The following COL4A2 variants were observed in gnomAD, a reference collection of about 807,000 sequenced individuals.
COL4A2 encodes the protein collagen alpha-2(IV) chain.
Under a neutral mutation model 200.2 loss-of-function variants are expected in COL4A2, and 99 were observed. The observed-to-expected ratio is 0.49, with a 90% CI of 0.42 to 0.58. COL4A2 has a LOEUF of 0.58. Ranked by LOEUF, COL4A2 falls within the 20% of genes least tolerant of loss-of-function variation. The probability of loss-of-function intolerance (pLI) is 0.00; values close to 1 mark genes in which losing one functional copy is unlikely to be tolerated. For missense variants in COL4A2, 1,950 were observed against 2,314.1 expected (o/e 0.84, Z 3.23); for synonymous variants, 897 against 900.6 (o/e 1.00, Z 0.07).
At chr13:110,506,991 ACT>A (rs2139558844) in intron 46 of COL4A2, among the ~76,000 whole-genome samples, 1 of 151,716 alleles carries the variant, frequency 6.6e-6, no homozygotes, top group South Asian at 2.1e-4. Context: ...TTCATGTAAG[ACT>A]CTCCCATACA....
At chr13:110,334,319 C>T (rs1033124888) in intron 3 of COL4A2, among the ~76,000 whole-genome samples, 4 of 152,128 alleles carry the variant, frequency 2.6e-5, no homozygotes, top group East Asian at 1.9e-4. Context: ...AGATGTGGCC[C>T]GCATCTAACC....
At chr13:110,411,085 C>G (rs1879814038) in intron 4 of COL4A2, among the ~76,000 whole-genome samples, 1 of 152,184 alleles carries the variant, frequency 6.6e-6, no homozygotes. Context: ...CTCCCACGTC[C>G]CATCTCAGCT....
intron 4 of COL4A2, among the ~76,000 whole-genome samples, chr13:110,387,872 C>T (rs1426002254): frequency 6.6e-6 from 1 of 152,216 alleles, no homozygotes; most frequent in Non-Finnish European, 1.5e-5. Context: ...CCTGGCTTGG[C>T]TGTGCCTGGG....
At position 110,429,893 on chromosome 13, in the gene COL4A2, A is replaced by C; in HGVS notation, c.486A>C (p.Gln162His). The C allele has an allele frequency of 6.2e-7, 1 of 1,613,154 alleles. No individual in the cohort carries two copies. The highest frequency in any genetic ancestry group is 8.5e-7 in the Non-Finnish European group (1 of 1,179,656). The change falls in exon 8 of 48, where the codon CAA becomes CAC. Residue 162 changes from glutamine (Q) to histidine (H), a missense_variant. Physicochemically the swap from Gln to His is conservative, Grantham distance 24. Coordinates refer to ENST00000360467, the MANE Select transcript of COL4A2 (RefSeq NM_001846.4). Reference sequence around the variant, plus strand: ...ATATATCTGCTAATTAGGGGCCCCAAGGACCAAAAGGGCAGAAAGGTGAGC... The same window carrying C: ...ATATATCTGCTAATTAGGGGCCCCACGGACCAAAAGGGCAGAAAGGTGAGC... ...SEGFTGPPGP[Q>H]GPKGQKGEPY...
intron 40 of COL4A2, among the ~76,000 whole-genome samples, chr13:110,496,715 A>G (rs1212226472): frequency 6.7e-6 from 1 of 149,996 alleles, no homozygotes; most frequent in Non-Finnish European, 1.5e-5. Context: ...GCACAGCCTC[A>G]GCCAGCGGTG....
At chr13:110,404,328 A>G (rs1026365400) in intron 4 of COL4A2, among the ~76,000 whole-genome samples, 12 of 152,220 alleles carry the variant, frequency 7.9e-5, no homozygotes, top group African/African-American at 2.9e-4. Context: ...ACAATACCAG[A>G]CTTATAAAAA....
At chr13:110,339,393 T>C (rs1360026608) in intron 3 of COL4A2, among the ~76,000 whole-genome samples, 2 of 152,174 alleles carry the variant, frequency 1.3e-5, no homozygotes, top group Non-Finnish European at 2.9e-5. Flanking sequence ...CTAAAATCTC[T>C]GTAGCACCCA....
chr13:110,347,178 A>G (rs1321882957), intron 3 of COL4A2, among the ~76,000 whole-genome samples: 1 of 152,192 alleles, frequency 6.6e-6, no homozygotes, highest in Non-Finnish European at 1.5e-5. Context: ...CTCACCTGAA[A>G]CCAGGCCCAC....
At chr13:110,466,876 T>A (rs1027358921) in intron 26 of COL4A2, among the ~76,000 whole-genome samples, 164 bp from the exon 27 acceptor site, 5 of 152,156 alleles carry the variant, frequency 3.3e-5, no homozygotes, top group Non-Finnish European at 7.3e-5. Flanking sequence ...AAATTAAACT[T>A]TTATTTACAT....
chr13:110,321,512 C>G (rs531815276), intron 3 of COL4A2, among the ~76,000 whole-genome samples: 23 of 152,290 alleles, frequency 1.5e-4, no homozygotes, highest in Non-Finnish European at 2.6e-4. Context: ...CTCTGTTAAT[C>G]TATTCTACTT....
At chr13:110,493,044 C>A (rs1883336472) in intron 38 of COL4A2, among the ~76,000 whole-genome samples, 167 bp from the exon 39 acceptor site, 1 of 148,614 alleles carries the variant, frequency 6.7e-6, no homozygotes, top group Non-Finnish European at 1.5e-5. Flanking sequence ...ATGAGTGACA[C>A]CCCCACAGGT....
intron 31 of COL4A2, among the ~76,000 whole-genome samples, chr13:110,482,045 G>A (rs760065999): frequency 8.5e-5 from 13 of 152,250 alleles, no homozygotes; most frequent in Non-Finnish European, 1.8e-4. Flanking sequence ...TCCATTACTA[G>A]AGACATATGA....
intron 4 of COL4A2, among the ~76,000 whole-genome samples, chr13:110,404,825 CCA>C (rs1395541048): frequency 6.6e-6 from 1 of 152,212 alleles, no homozygotes; most frequent in Non-Finnish European, 1.5e-5. Flanking sequence ...AGGGTAGAAA[CCA>C]CACCATTTCT....
intron 4 of COL4A2, among the ~76,000 whole-genome samples, chr13:110,365,348 C>A: frequency 6.6e-6 from 1 of 152,130 alleles, no homozygotes; most frequent in East Asian, 1.9e-4. Context: ...TCCATGTTGG[C>A]CAGGATGGTC....
intron 4 of COL4A2, among the ~76,000 whole-genome samples, chr13:110,419,741 A>G (rs375108187): frequency 6.6e-6 from 1 of 152,218 alleles, no homozygotes; most frequent in Non-Finnish European, 1.5e-5. Context: ...GACTTCAGAG[A>G]GGGAAAACAA....
intron 3 of COL4A2, among the ~76,000 whole-genome samples, chr13:110,357,224 C>T (rs773121894): frequency 1.3e-5 from 2 of 151,724 alleles, no homozygotes; most frequent in East Asian, 3.9e-4. Context: ...TGCAGGATGT[C>T]GATGGTGGGG....
chr13:110,433,654 G>A (rs1276706166), intron 11 of COL4A2, among the ~76,000 whole-genome samples: 2 of 152,222 alleles, frequency 1.3e-5, no homozygotes, highest in Non-Finnish European at 2.9e-5. Flanking sequence ...ATGTGACCCC[G>A]CTGTCACTGT....
At position 110,504,066 on chromosome 13, in the gene COL4A2, C is replaced by T. The variant is rs1232894187; in HGVS notation, c.4285+73C>T. On this transcript the variant is annotated intron_variant, in intron 44 of 47. Transcript: ENST00000360467. ...AGGCCAGGGCCTGCTGGCATTGCGT[C>T]CTCTTGTGTTCTCTTTGTGGATCGC... 10 of 1,565,490 alleles carry T rather than the reference C, an allele frequency of 6.4e-6. No homozygotes were observed. In the South Asian group the frequency reaches 6.8e-5, roughly 11 times the overall value.
At chr13:110,423,996 G>A (rs1009512441) in intron 4 of COL4A2, among the ~76,000 whole-genome samples, 14 of 152,074 alleles carry the variant, frequency 9.2e-5, no homozygotes, top group Non-Finnish European at 1.3e-4. Flanking sequence ...TGTGAATCAC[G>A]CTGCTGTGCG....
Sources: gnomAD v4.1 joint callset for allele counts (sites outside exome capture counted in the v4.1 genomes callset) on GRCh38, gnomAD v4.1.1 for gene constraint, MANE v1.5 for transcripts, NCBI Gene and HGNC (gene_info 2026-07-23, HGNC 2026-07-21) for gene names.